ANKS1A: variants seen among roughly 807,000 people sequenced by gnomAD.
ANKS1A encodes the protein ankyrin repeat and sterile alpha motif domain containing 1A.
A neutral mutation model predicts 120.3 loss-of-function variants in ANKS1A; 55 were observed. That is an observed-to-expected ratio of 0.46 (90% confidence interval 0.37 to 0.57). ANKS1A has a LOEUF of 0.57. ANKS1A is among the 20% of genes least tolerant of loss of function. ANKS1A has a pLI of 0.00. For synonymous variants in ANKS1A, 590 were observed against 604.7 expected, an observed-to-expected ratio of 0.98 and a Z score of 0.36; for missense variants, 1,123 against 1,480.3, an observed-to-expected ratio of 0.76 and a Z score of 3.96.
At chr6:35,041,794 C>T (rs1775471471) in intron 11 of ANKS1A, among the ~76,000 whole-genome samples, 1 of 152,224 alleles carries the variant, frequency 6.6e-6, no homozygotes, top group Non-Finnish European at 1.5e-5. Context: ...AGATGCTGAG[C>T]TCTTCTGTGG....
At chr6:35,096,975 A>T in the ANKS1A span, among the ~76,000 whole-genome samples, 1 of 151,804 alleles carries the variant, frequency 6.6e-6, no homozygotes, top group African/African-American at 2.4e-5. Flanking sequence ...CTCTACTTTG[A>T]ATCTGCTAAC....
Position 35,017,772 on chromosome 6 carries a change from A to G in ANKS1A, c.1723A>G (p.Thr575Ala). ...RVGYLTGLPTTNSRSHPETLT... is the reference protein window; with the variant it reads ...RVGYLTGLPTANSRSHPETLT... ...GGGCTACCTCACAGGCCTGCCCACC[A>G]CCAACAGCCGCTCGCACCCTGAAAC... is the stretch of plus-strand genomic sequence containing the variant. Residue 575 changes from threonine (T) to alanine (A), a missense_variant, in exon 11 of 24, where the codon ACC becomes GCC. Physicochemically the swap from Thr to Ala is moderately conservative, Grantham distance 58. Transcript: ENST00000360359. 3 of 1,614,138 alleles carry G rather than the reference A, an allele frequency of 1.9e-6. No homozygotes were observed. Among genetic ancestry groups the G allele is most frequent in the Non-Finnish European group, 2.5e-6 (3 of 1,180,030 alleles).
At chr6:34,967,167 G>A in intron 1 of ANKS1A, 72 bp from the exon 2 acceptor site, 1 of 1,451,142 alleles carries the variant, frequency 6.9e-7, no homozygotes, top group East Asian at 2.3e-5. Flanking sequence ...TAATTAGCTA[G>A]CTATCTCTAA....
At chr6:35,071,811 C>T (rs1387940124) in intron 13 of ANKS1A, among the ~76,000 whole-genome samples, 2 of 152,366 alleles carry the variant, frequency 1.3e-5, no homozygotes, top group African/African-American at 2.4e-5. Context: ...GTGGAGCCTT[C>T]CTGCGGTCCT....
chr6:34,914,142 C>T (rs1038773979), intron 1 of ANKS1A, among the ~76,000 whole-genome samples: 1 of 131,122 alleles, frequency 7.6e-6, no homozygotes, highest in African/African-American at 2.6e-5. Flanking sequence ...AGGATGGTCT[C>T]GATCTCCTGA....
chr6:35,070,909 C>T (rs1473392366), intron 13 of ANKS1A: 2 of 660,590 alleles, frequency 3.0e-6, no homozygotes, highest in Non-Finnish European at 2.7e-6. Flanking sequence ...CATCCTTGGC[C>T]TGAGACTCCT....
chr6:35,051,350 A>G (rs1775954413), intron 11 of ANKS1A, among the ~76,000 whole-genome samples: 1 of 152,250 alleles, frequency 6.6e-6, no homozygotes, highest in African/African-American at 2.4e-5. Context: ...CCCTTCGGCA[A>G]AATTTCACAA....
At chr6:34,890,218 A>G (rs902187118) in intron 1 of ANKS1A, among the ~76,000 whole-genome samples, 14 of 151,804 alleles carry the variant, frequency 9.2e-5, no homozygotes, top group African/African-American at 3.1e-4. Flanking sequence ...CTGCCTCCCA[A>G]GTAGCTGGGA....
At chr6:35,016,525 C>G (rs942452590) in intron 10 of ANKS1A, among the ~76,000 whole-genome samples, 3 of 152,064 alleles carry the variant, frequency 2.0e-5, no homozygotes, top group Non-Finnish European at 4.4e-5. Context: ...ATGTTAGATT[C>G]TGATTTGGCC....
chr6:35,013,722 A>G (rs1009134747), intron 10 of ANKS1A, among the ~76,000 whole-genome samples: 2 of 152,240 alleles, frequency 1.3e-5, no homozygotes, highest in African/African-American at 4.8e-5. Context: ...CCCTCTCACC[A>G]TATTACCTTC....
chr6:34,966,014 A>T (rs926490724), intron 1 of ANKS1A, among the ~76,000 whole-genome samples: 1 of 152,136 alleles, frequency 6.6e-6, no homozygotes, highest in Non-Finnish European at 1.5e-5. Flanking sequence ...AAGTGCTGGG[A>T]TTATAAGCAT....
chr6:34,984,962 T>A (rs1581596812), intron 7 of ANKS1A, 120 bp from the exon 8 acceptor site: 1 of 810,020 alleles, frequency 1.2e-6, no homozygotes, highest in East Asian at 2.6e-5. Flanking sequence ...AATCATTTTC[T>A]TGCTCTGGGT....
chr6:35,059,534 G>A lies in ANKS1A; in HGVS notation c.2078-613G>A, dbSNP rs1006702542. On this transcript the variant is annotated intron_variant, in intron 12 of 23. Coordinates refer to ENST00000360359, the MANE Select transcript of ANKS1A (RefSeq NM_015245.3). ...GCTTGTGTTGCATGTGCTGGGTCCC[G>A]GTGAACAGCCGCCGCTGCTGCTTCC... Among the ~76,000 whole-genome samples the A allele has an allele frequency of 5.9e-5, 9 of 152,334 alleles. No individual in the cohort carries two copies. The East Asian group carries it at 9.7e-4, about 16-fold the overall frequency.
At position 34,994,357 on chromosome 6, in the gene ANKS1A, A is replaced by G. The variant is rs746753216; in HGVS notation, c.1358A>G (p.His453Arg). ...AGTGCAGCCCGGGAAGAAGACGAACACCCTTATGAACTGTTGTTAACAGCA... is the reference window on the plus strand; with the variant it reads ...AGTGCAGCCCGGGAAGAAGACGAACGCCCTTATGAACTGTTGTTAACAGCA... Reference protein sequence around the residue: ...HGSAAREEDEHPYELLLTAET... With the variant: ...HGSAAREEDERPYELLLTAET... The change falls in exon 10 of 24, where the codon CAC becomes CGC. Residue 453 changes from histidine to arginine, a missense_variant. Around this residue, in one of 3 missense-constraint regions of ANKS1A, gnomAD observed 904 missense variants for 1,130.4 expected, o/e 0.80. Transcript: ENST00000360359. 1 of 1,613,754 alleles carries G rather than the reference A, an allele frequency of 6.2e-7. No homozygotes were observed. The highest frequency in any genetic ancestry group is 8.5e-7 in the Non-Finnish European group (1 of 1,179,736).
downstream of ANKS1A, chr6:35,091,543 C>CTGT (rs1778302517): frequency 1.8e-6 from 1 of 566,290 alleles, no homozygotes; most frequent in Admixed American, 6.3e-5. Context: ...GACAGCTTGG[C>CTGT]TGTTTGGCTT....
intron 10 of ANKS1A, among the ~76,000 whole-genome samples, chr6:34,996,675 G>A (rs1007035130): frequency 6.6e-6 from 1 of 152,138 alleles, no homozygotes; most frequent in Non-Finnish European, 1.5e-5. Context: ...GTTTCACCAT[G>A]TTGGCCAGGA....
At chr6:34,948,151 GT>G (rs398065697) in intron 1 of ANKS1A, among the ~76,000 whole-genome samples, 2,493 of 134,572 alleles carry the variant, frequency 0.019, 33 homozygotes, top group African/African-American at 0.037. Flanking sequence ...TCATTTAGGT[GT>G]TTTTTTTTTT....
chr6:34,996,412 G>T (rs1772856092), intron 10 of ANKS1A, among the ~76,000 whole-genome samples: 1 of 151,690 alleles, frequency 6.6e-6, no homozygotes, highest in African/African-American at 2.4e-5. Context: ...TTGAAGAGAA[G>T]TGATTCTTAA....
In ANKS1A at chr6:35,086,454, CT is replaced by C; in HGVS notation, c.3304-497del. On this transcript the variant is annotated intron_variant, in intron 22 of 23. Transcript: ENST00000360359. The surrounding 1 kb of genome is among the most constrained non-coding windows in gnomAD (Gnocchi z 5.1). ...AGCCTCTGGCGGCCTCTCCCTCTGC[CT>C]GTGTGACATTCTTTCCCCTCTTCCT... 1.1e-6 allele frequency: 1 copy of C among 919,050 alleles called. No individual in the cohort carries two copies. The highest frequency in any genetic ancestry group is 1.5e-6 in the Non-Finnish European group (1 of 650,474). 56.9% of individuals were successfully genotyped at this position (919,050 alleles called of 1,614,324 possible). A position where few individuals can be genotyped will look rare whatever the true frequency, so the allele number is the denominator to read the frequency against.
Sources: allele counts gnomAD v4.1 joint callset (sites outside exome capture counted in the v4.1 genomes callset), GRCh38; gene constraint gnomAD v4.1.1; regional missense constraint gnomAD v4.1.1; non-coding constraint Gnocchi (gnomAD v3.1); transcripts MANE v1.5; gene names NCBI Gene and HGNC (gene_info 2026-07-23, HGNC 2026-07-21).